The following SSBP3 variants were observed in gnomAD, a reference collection of about 807,000 sequenced individuals.
The protein encoded by SSBP3 is single stranded DNA binding protein 3.
SSBP3 carries 5 observed loss-of-function variants against 69.6 expected under a neutral mutation model. The ratio of observed to expected loss-of-function variants is 0.07; its 90% CI spans 0.04 to 0.15. SSBP3 has a LOEUF of 0.15. Ranked by LOEUF, SSBP3 falls within the 10% of genes least tolerant of loss-of-function variation. SSBP3 has a pLI of 1.00. For missense variants in SSBP3, 312 were observed against 534.0 expected (o/e 0.58, Z 4.10); for synonymous variants, 196 against 193.4 (o/e 1.01, Z -0.11).
Position 54,370,941 on chromosome 1 carries a change from C to A in SSBP3, c.276+30920G>T, listed in dbSNP as rs576769276. Among the ~76,000 whole-genome samples the A allele has an allele frequency of 3.9e-5, 6 of 152,112 alleles. No homozygotes were observed. In the South Asian group the frequency reaches 1.2e-3, roughly 32 times the overall value. On this transcript the variant is annotated intron_variant, in intron 4 of 17. Coordinates refer to ENST00000610401, the Ensembl canonical transcript of SSBP3. ...GGTGTTCTTCCTGATGTTCTTAGCA[C>A]TGTGCCGTAAGCACACATGGTCCTG...
At position 54,314,333 on chromosome 1, in the gene SSBP3, G is replaced by A. The variant is rs980179603; in HGVS notation, c.277-32806C>T. On this transcript the variant is annotated intron_variant, in intron 4 of 17. Coordinates refer to ENST00000610401, the Ensembl canonical transcript of SSBP3. ...CAGTTCTGAGGACCTACCATGTAGC[G>A]CAAACTCCAGAGGGAAGCAAAAAGG... Among the ~76,000 whole-genome samples the A allele has an allele frequency of 6.6e-5, 10 of 152,210 alleles. No individual in the cohort carries two copies. In the East Asian group the frequency reaches 1.2e-3, roughly 18 times the overall value.
At chr1:54,238,937 T>G (rs1644552888) in intron 14 of SSBP3, 192 bp downstream of exon 14, 1 of 365,974 alleles carries the variant, frequency 2.7e-6, no homozygotes, top group Non-Finnish European at 5.6e-6. Flanking sequence ...CACCCCTTCC[T>G]CTCCCACCCC....
intron 4 of SSBP3, among the ~76,000 whole-genome samples, chr1:54,322,806 C>T (rs887464323): frequency 3.3e-5 from 5 of 152,166 alleles, no homozygotes; most frequent in African/African-American, 1.2e-4. Flanking sequence ...GTTAAGTCAG[C>T]TGGCATTACC....
intron 4 of SSBP3, among the ~76,000 whole-genome samples, chr1:54,400,933 A>G (rs1297895311): frequency 6.6e-6 from 1 of 152,226 alleles, no homozygotes; most frequent in African/African-American, 2.4e-5. Flanking sequence ...TCCCAGGATC[A>G]TTCCTACCCA....
intron 4 of SSBP3, among the ~76,000 whole-genome samples, chr1:54,336,629 A>G (rs776381539): frequency 1.3e-5 from 2 of 152,160 alleles, no homozygotes; most frequent in Non-Finnish European, 2.9e-5. Context: ...AAGGCTTCTC[A>G]AGCCTCTTCT....
intron 13 of SSBP3, among the ~76,000 whole-genome samples, chr1:54,240,170 CAG>C (rs1225473325): frequency 4.0e-5 from 6 of 150,418 alleles, no homozygotes; most frequent in African/African-American, 9.8e-5. Context: ...TTTAAAGAAA[CAG>C]GGAGGGCTGG....
chr1:54,296,639 G>A (rs1383764427), intron 4 of SSBP3, among the ~76,000 whole-genome samples: 6 of 152,174 alleles, frequency 3.9e-5, no homozygotes, highest in East Asian at 3.8e-4. Flanking sequence ...TCTAGAAAAC[G>A]AGGACAATAA....
rs1264847040 is a variant in SSBP3, at chr1:54,235,699, C to T, written c.927+3430G>A. ...CTGACCTCAAGTGATCCTCTCACCT[C>T]GGCCTCCCAACGTGCTCGGATTACA... On this transcript the variant is annotated intron_variant, in intron 14 of 17. Coordinates refer to ENST00000610401, the Ensembl canonical transcript of SSBP3. 3.3e-5 allele frequency among the ~76,000 whole-genome samples: 5 copies of T among 152,112 alleles called. No individual in the cohort carries two copies. The South Asian group carries it at 8.3e-4, about 25-fold the overall frequency.
chr1:54,344,631 AG>A (rs1296061944), intron 4 of SSBP3, among the ~76,000 whole-genome samples: 1 of 152,164 alleles, frequency 6.6e-6, no homozygotes, highest in Non-Finnish European at 1.5e-5. Flanking sequence ...TTGTAAAGAG[AG>A]GAAAGAATTG....
At chr1:54,263,593 G>A (rs968537291) in intron 5 of SSBP3, among the ~76,000 whole-genome samples, 4 of 152,232 alleles carry the variant, frequency 2.6e-5, no homozygotes, top group East Asian at 1.9e-4. Context: ...GGAGCTTGAC[G>A]TCTGGCCTCA....
intron 2 of SSBP3, 50 bp downstream of exon 2, chr1:54,404,808 T>TGGGG (rs147574789): frequency 3.2e-4 from 204 of 632,330 alleles, no homozygotes; most frequent in Non-Finnish European, 4.3e-4. Context: ...CTAAGAATAG[T>TGGGG]GGGGGGGGGG....
At chr1:54,253,915 T>G (rs1276990551) in intron 7 of SSBP3, among the ~76,000 whole-genome samples, 3 of 152,206 alleles carry the variant, frequency 2.0e-5, no homozygotes, top group Admixed American at 2.0e-4. Context: ...CCCTCCTATG[T>G]GTCGGAACTC....
chr1:54,225,906 A>C (rs942852837), exon 18 of SSBP3: 1 of 152,132 alleles, frequency 6.6e-6, no homozygotes, highest in Non-Finnish European at 1.5e-5. Context: ...AGCTGCTCCA[A>C]AGTCTTTCCA....
chr1:54,404,687 C>G (rs772375818), intron 2 of SSBP3, 50 bp from the exon 3 acceptor site: 2 of 1,606,356 alleles, frequency 1.2e-6, no homozygotes, highest in Admixed American at 1.7e-5. Context: ...ACGGGGTGGG[C>G]TGGGGGCTTC....
chr1:54,267,567 G>C (rs1645123884), intron 5 of SSBP3, among the ~76,000 whole-genome samples: 1 of 152,200 alleles, frequency 6.6e-6, no homozygotes, highest in African/African-American at 2.4e-5. Flanking sequence ...TGGCAGAGAA[G>C]AAAAGGAAGG....
At chr1:54,241,638 G>C in intron 11 of SSBP3, 129 bp from the exon 12 acceptor site, 1 of 946,904 alleles carries the variant, frequency 1.1e-6, no homozygotes, top group Non-Finnish European at 1.7e-6. Flanking sequence ...CCACCCACTT[G>C]GTTCCCCTGG....
At chr1:54,271,338 C>A (rs1358522730) in intron 5 of SSBP3, among the ~76,000 whole-genome samples, 2 of 152,194 alleles carry the variant, frequency 1.3e-5, no homozygotes, top group African/African-American at 2.4e-5. Flanking sequence ...TTCAAACTGG[C>A]TGCAAGCGAT....
At chr1:54,330,303 G>A (rs1295756813) in intron 4 of SSBP3, among the ~76,000 whole-genome samples, 1 of 152,200 alleles carries the variant, frequency 6.6e-6, no homozygotes, top group African/African-American at 2.4e-5. Flanking sequence ...GACTGCTGGT[G>A]ACCAAGAGGG....
In SSBP3 at chr1:54,342,394, G is replaced by C. The variant is rs1033862267; in HGVS notation, c.276+59467C>G. Among the ~76,000 whole-genome samples, 5 of 152,392 alleles carry C rather than the reference G, an allele frequency of 3.3e-5. No homozygotes were observed. In the East Asian group the frequency reaches 9.6e-4, roughly 29 times the overall value. The stretch of plus-strand genomic sequence containing the variant: ...GCCCTCCCTCCCTGGGAGGAGATGG[G>C]TGGATCAATAGCCCTCTTAGCTCTT... On this transcript the variant is annotated intron_variant, in intron 4 of 17. Coordinates refer to ENST00000610401, the Ensembl canonical transcript of SSBP3.
Sources: allele counts gnomAD v4.1 joint callset (sites outside exome capture counted in the v4.1 genomes callset), GRCh38; gene constraint gnomAD v4.1.1; transcripts MANE v1.5; gene names NCBI Gene and HGNC (gene_info 2026-07-23, HGNC 2026-07-21).